Variants in BTF3L4 observed in about 807,000 individuals in gnomAD.
BTF3L4 encodes basic transcription factor 3 like 4, also known as transcription factor BTF3 homolog 4.
Under a neutral mutation model 16.8 loss-of-function variants are expected in BTF3L4, and 6 were observed. The ratio of observed to expected loss-of-function variants is 0.36; its 90% CI spans 0.20 to 0.71. BTF3L4 has a LOEUF of 0.71. BTF3L4 is among the 30% of genes least tolerant of loss of function. The pLI is 0.58. For synonymous variants in BTF3L4, 39 were observed against 59.8 expected, an observed-to-expected ratio of 0.65 and a Z score of 1.60; for missense variants, 92 against 186.9, an observed-to-expected ratio of 0.49 and a Z score of 2.96.
chr1:52,065,124 CAGTT>C (rs992140361), intron 3 of BTF3L4, 186 bp downstream of exon 3: 11 of 386,460 alleles, frequency 2.8e-5, no homozygotes, highest in African/African-American at 1.0e-4. Context: ...TTTTAGTAGA[CAGTT>C]AAGGATTTTC....
intron 3 of BTF3L4, among the ~76,000 whole-genome samples, chr1:52,068,754 G>A (rs541823791): frequency 7.9e-5 from 12 of 152,236 alleles, no homozygotes; most frequent in African/African-American, 2.6e-4. Flanking sequence ...CTACCATGCA[G>A]AATTCGTTCC....
chr1:52,062,796 C>T (rs1031127883), intron 2 of BTF3L4, among the ~76,000 whole-genome samples: 2 of 152,182 alleles, frequency 1.3e-5, no homozygotes, highest in African/African-American at 4.8e-5. Flanking sequence ...GCACCAGGGA[C>T]TGGTTTCGTG....
At chr1:52,062,057 C>T (rs1175996016) in intron 2 of BTF3L4, among the ~76,000 whole-genome samples, 1 of 151,980 alleles carries the variant, frequency 6.6e-6, no homozygotes, top group African/African-American at 2.4e-5. Context: ...CTGCCTCAGC[C>T]TCCCAAGTAT....
intron 1 of BTF3L4, among the ~76,000 whole-genome samples, chr1:52,057,523 A>G (rs187875672): frequency 6.6e-6 from 1 of 152,288 alleles, no homozygotes; most frequent in East Asian, 1.9e-4. Flanking sequence ...TGTAATTTAT[A>G]CTTTGCTGGT....
At chr1:52,074,066 G>A (rs949034330) in intron 3 of BTF3L4, among the ~76,000 whole-genome samples, 5 of 152,096 alleles carry the variant, frequency 3.3e-5, no homozygotes, top group African/African-American at 7.2e-5. Context: ...CTCAGAGGGT[G>A]AGGCAGGAGG....
chr1:52,057,109 A>G (rs1686386981), intron 1 of BTF3L4, among the ~76,000 whole-genome samples: 1 of 152,214 alleles, frequency 6.6e-6, no homozygotes, highest in Non-Finnish European at 1.5e-5. Context: ...ATACCTTTCC[A>G]AATGCAGGAG....
At chr1:52,068,229 C>T (rs1272752443) in intron 3 of BTF3L4, among the ~76,000 whole-genome samples, 1 of 152,094 alleles carries the variant, frequency 6.6e-6, no homozygotes, top group African/African-American at 2.4e-5. Flanking sequence ...TAATACTGTG[C>T]CGAGGTCATG....
At chr1:52,078,299 G>A (rs1367860071) in intron 3 of BTF3L4, among the ~76,000 whole-genome samples, 2 of 143,750 alleles carry the variant, frequency 1.4e-5, no homozygotes, top group Admixed American at 1.5e-4. Flanking sequence ...CTGGATTTAA[G>A]CGCGCCTCCT....
At chr1:52,064,996 G>A in intron 3 of BTF3L4, 58 bp downstream of exon 3, 1 of 960,096 alleles carries the variant, frequency 1.0e-6, no homozygotes, top group Non-Finnish European at 1.6e-6. Flanking sequence ...TAATTGTCTG[G>A]ACCTTTCAGA....
rs1403959778 is a variant in BTF3L4, at chr1:52,088,104, C to A, written c.*1346C>A. 6.6e-6 allele frequency: 1 copy of A among 152,572 alleles called. No individual in the cohort carries two copies. Among genetic ancestry groups the A allele is most frequent in the Non-Finnish European group, 1.5e-5 (1 of 68,032 alleles). 9.5% of individuals were successfully genotyped at this position (152,572 alleles called of 1,614,324 possible). A position where few individuals can be genotyped will look rare whatever the true frequency, so the allele number is the denominator to read the frequency against. ...TTTGCTATATCAGCATTTGTTACAG[C>A]CAATATTTAAGGACAAAATTTAGAA... is the stretch of plus-strand genomic sequence containing the variant. On this transcript the variant is annotated 3_prime_UTR_variant, in exon 6 of 6. Coordinates refer to ENST00000313334, the MANE Select transcript of BTF3L4 (RefSeq NM_152265.5).
intron 3 of BTF3L4, among the ~76,000 whole-genome samples, chr1:52,076,358 G>A (rs949664656): frequency 6.6e-6 from 1 of 151,774 alleles, no homozygotes; most frequent in Non-Finnish European, 1.5e-5. Context: ...GGCAGATCAC[G>A]ATGTCAGGAG....
At chr1:52,057,698 A>G (rs1168784807) in intron 1 of BTF3L4, among the ~76,000 whole-genome samples, 1 of 152,178 alleles carries the variant, frequency 6.6e-6, no homozygotes, top group Non-Finnish European at 1.5e-5. Context: ...CTTGAATTCC[A>G]CACACCACAA....
chr1:52,064,695 T>A (rs1423450783), intron 2 of BTF3L4, 130 bp from the exon 3 acceptor site: 15 of 547,998 alleles, frequency 2.7e-5, no homozygotes, highest in Non-Finnish European at 4.5e-5. Flanking sequence ...AGAAGTCTTA[T>A]AACATTAATC....
chr1:52,072,669 T>C lies in BTF3L4; in HGVS notation c.168+7731T>C, dbSNP rs1332574485. ...CATAGTGTATCAGAACTTCACGGATTTATAGCTGAATAATATTCCATTGTA... is the reference window on the plus strand; with the variant it reads ...CATAGTGTATCAGAACTTCACGGATCTATAGCTGAATAATATTCCATTGTA... On this transcript the variant is annotated intron_variant, in intron 3 of 5. Coordinates refer to ENST00000313334, the MANE Select transcript of BTF3L4 (RefSeq NM_152265.5). Among the ~76,000 whole-genome samples, 4 of 152,192 alleles carry C rather than the reference T, an allele frequency of 2.6e-5. No individual in the cohort carries two copies. In the East Asian group the frequency reaches 7.7e-4, roughly 29 times the overall value.
At chr1:52,071,891 T>C (rs1375425705) in intron 3 of BTF3L4, among the ~76,000 whole-genome samples, 2 of 150,782 alleles carry the variant, frequency 1.3e-5, no homozygotes, top group Non-Finnish European at 3.0e-5. Flanking sequence ...CTTTCTCTCT[T>C]AGGGTCCTGT....
At chr1:52,066,358 AT>A (rs201141498) in intron 3 of BTF3L4, among the ~76,000 whole-genome samples, 10,238 of 138,838 alleles carry the variant, frequency 0.074, 527 homozygotes, top group African/African-American at 0.15. Context: ...CACCCGGATA[AT>A]TTTTTTTTTT....
chr1:52,057,124 A>C (rs1223374237), intron 1 of BTF3L4, among the ~76,000 whole-genome samples: 1 of 152,258 alleles, frequency 6.6e-6, no homozygotes, highest in East Asian at 1.9e-4. Flanking sequence ...CAGGAGGAAT[A>C]CAAGTTCAGA....
chr1:52,077,698 T>C (rs1396912712), intron 3 of BTF3L4, among the ~76,000 whole-genome samples: 2 of 152,200 alleles, frequency 1.3e-5, no homozygotes, highest in Non-Finnish European at 2.9e-5. Context: ...TATAATTTTG[T>C]GAGCCTCCTC....
intron 3 of BTF3L4, among the ~76,000 whole-genome samples, chr1:52,078,473 C>G (rs1686988096): frequency 6.6e-6 from 1 of 152,070 alleles, no homozygotes; most frequent in African/African-American, 2.4e-5. Context: ...AAGGCATGGT[C>G]TCTGATCTTA....
Sources: allele counts gnomAD v4.1 joint callset (sites outside exome capture counted in the v4.1 genomes callset), GRCh38; gene constraint gnomAD v4.1.1; transcripts MANE v1.5; gene names NCBI Gene and HGNC (gene_info 2026-07-23, HGNC 2026-07-21).